Variants in GIT2 observed in about 807,000 individuals in gnomAD.
GIT2 encodes ARF GTPase-activating protein GIT2.
Under a neutral mutation model 100.3 loss-of-function variants are expected in GIT2, and 32 were observed. That is an observed-to-expected ratio of 0.32 (90% CI 0.24 to 0.43). GIT2 has a LOEUF of 0.43. Ranked by LOEUF, GIT2 falls within the 20% of genes least tolerant of loss-of-function variation. GIT2 has a pLI of 1.00. For synonymous variants in GIT2, 353 were observed against 364.1 expected, an observed-to-expected ratio of 0.97 and a Z score of 0.35; for missense variants, 737 against 975.1, an observed-to-expected ratio of 0.76 and a Z score of 3.25.
At chr12:109,989,379 C>T (rs1015250431) in intron 3 of GIT2, among the ~76,000 whole-genome samples, 3 of 152,160 alleles carry the variant, frequency 2.0e-5, no homozygotes, top group Non-Finnish European at 4.4e-5. Flanking sequence ...AACAGGCAGA[C>T]GGGTGCCCAG....
chr12:109,961,214 G>A, intron 11 of GIT2, 64 bp downstream of exon 11: 1 of 918,956 alleles, frequency 1.1e-6, no homozygotes, highest in Non-Finnish European at 1.8e-6. Flanking sequence ...GTTTTCCTGG[G>A]AAAAATGAAA....
At chr12:109,999,606 A>AGGGC, upstream of GIT2, 1 of 1,167,536 alleles carries the variant, frequency 8.6e-7, no homozygotes, top group Non-Finnish European at 1.2e-6. This position sits in a 1 kb window ranked among gnomAD's most constrained non-coding sequence, Gnocchi z 4.3. Context: ...CGCCGGCCTC[A>AGGGC]GGGCAGGCAG....
intron 12 of GIT2, among the ~76,000 whole-genome samples, chr12:109,957,616 C>T (rs1399571490): frequency 6.6e-6 from 1 of 151,398 alleles, no homozygotes; most frequent in African/African-American, 2.4e-5. Context: ...ACGCCATTCT[C>T]CTGCCTCAGC....
At chr12:109,965,434 T>C in intron 9 of GIT2, 92 bp downstream of exon 9, 7 of 720,476 alleles carry the variant, frequency 9.7e-6, no homozygotes, top group Non-Finnish European at 1.7e-5. Flanking sequence ...AATAAAGTCA[T>C]CAGACGCAAT....
chr12:109,994,719 G>C (rs530223062), intron 1 of GIT2, among the ~76,000 whole-genome samples: 1 of 152,250 alleles, frequency 6.6e-6, no homozygotes, highest in South Asian at 2.1e-4. Flanking sequence ...ACCCTATCAA[G>C]AAGCAAAACA....
intron 13 of GIT2, chr12:109,952,449 A>T (rs1878159440): frequency 5.8e-6 from 3 of 516,492 alleles, no homozygotes; most frequent in South Asian, 4.2e-5. Context: ...AGTCCTCCCC[A>T]GACATGGCAT....
Position 109,994,843 on chromosome 12 carries a change from G to A in GIT2, c.52+1330C>T, listed in dbSNP as rs1889049464. Among the ~76,000 whole-genome samples the A allele has an allele frequency of 2.0e-5, 3 of 152,174 alleles. No individual in the cohort carries two copies. The South Asian group carries it at 6.2e-4, about 32-fold the overall frequency. On this transcript the variant is annotated intron_variant, in intron 1 of 19. Coordinates refer to ENST00000355312, the MANE Select transcript of GIT2 (RefSeq NM_057169.5). ...GGAAGTGGAACAAATAACATTTTTA[G>A]AGAAAATGATGGAGTTTGTATAACT...
At chr12:109,980,775 T>C (rs1886162902) in intron 7 of GIT2, 177 bp downstream of exon 7, 5 of 604,374 alleles carry the variant, frequency 8.3e-6, no homozygotes, top group Middle Eastern at 4.4e-4. Flanking sequence ...TGTCCAACTT[T>C]ATATCTTTTA....
chr12:109,982,460 C>T (rs747506846), intron 6 of GIT2: 1 of 152,050 alleles, frequency 6.6e-6, no homozygotes, highest in Non-Finnish European at 1.5e-5. Flanking sequence ...TTGTTATTCA[C>T]CCATTTTATC....
intron 12 of GIT2, 61 bp from the exon 13 acceptor site, chr12:109,953,295 C>G: frequency 6.4e-7 from 1 of 1,559,332 alleles, no homozygotes; most frequent in African/African-American, 1.4e-5. Context: ...TTCCAAAAAA[C>G]TACGGAGAGG....
intron 12 of GIT2, among the ~76,000 whole-genome samples, chr12:109,959,031 A>G (rs2136364937): frequency 6.6e-6 from 1 of 151,338 alleles, no homozygotes; most frequent in Non-Finnish European, 1.5e-5. Context: ...GCAACAGCAG[A>G]TATTATGCAG....
At position 109,983,689 on chromosome 12, in the gene GIT2, G is replaced by C. The variant is rs751887292; in HGVS notation, c.411C>G (p.Leu137=). Residue 137 remains leucine, a synonymous_variant, in exon 5 of 20, where the codon CTC becomes CTG. Coordinates refer to ENST00000355312, the MANE Select transcript of GIT2 (RefSeq NM_057169.5). ...GATTCCCTGTTCTCACGCTCGAATG[G>C]AGTTGCTGAAAAACGCAGAAACAAA... ...SVTAKDLSKQ[L]HSSVRTGNLE... The C allele has an allele frequency of 6.2e-7, 1 of 1,610,646 alleles. No homozygotes were observed. The highest frequency in any genetic ancestry group is 8.5e-7 in the Non-Finnish European group (1 of 1,177,426).
chr12:109,955,420 C>T (rs1879157358), intron 12 of GIT2, among the ~76,000 whole-genome samples: 1 of 152,194 alleles, frequency 6.6e-6, no homozygotes, highest in African/African-American at 2.4e-5. Context: ...GCCACCGCAC[C>T]CAGCCTCTTG....
intron 12 of GIT2, among the ~76,000 whole-genome samples, chr12:109,954,933 A>T (rs764475597): frequency 4.0e-5 from 6 of 151,882 alleles, no homozygotes; most frequent in Non-Finnish European, 8.8e-5. Context: ...TAAAGGATAG[A>T]TCCTATTTTA....
Position 109,948,449 on chromosome 12 carries a change from C to A in GIT2, c.1393-945G>T, listed in dbSNP as rs1400653428. Reference sequence around the variant, plus strand: ...CCTTCCATTCCTCACATGCAGGCTGCTCCATGGTGCTGGATGGATTAGAGT... The same window carrying A: ...CCTTCCATTCCTCACATGCAGGCTGATCCATGGTGCTGGATGGATTAGAGT... On this transcript the variant is annotated intron_variant, in intron 14 of 19. Coordinates refer to ENST00000355312, the MANE Select transcript of GIT2 (RefSeq NM_057169.5). The surrounding 1 kb of genome is among the most constrained non-coding windows in gnomAD (Gnocchi z 4.3). The A allele has an allele frequency of 4.8e-6, 5 of 1,035,058 alleles. No individual in the cohort carries two copies. Among genetic ancestry groups the A allele is most frequent in the Non-Finnish European group, 5.8e-6 (5 of 862,460 alleles). 64.1% of individuals were successfully genotyped at this position (1,035,058 alleles called of 1,614,324 possible).
chr12:109,996,158 G>T lies in GIT2; in HGVS notation c.52+15C>A. On this transcript the variant is annotated intron_variant, in intron 1 of 19. Coordinates refer to ENST00000355312, the MANE Select transcript of GIT2 (RefSeq NM_057169.5). The stretch of plus-strand genomic sequence containing the variant: ...AGGAAAGCAGAGGGGAGCGGGCCCG[G>T]CCGGTGCGACTCACCCGGCCCGCTG... The T allele has an allele frequency of 6.7e-7, 1 of 1,499,674 alleles. No individual in the cohort carries two copies. The highest frequency in any genetic ancestry group is 2.1e-5 in the Admixed American group (1 of 48,064). 92.9% of individuals were successfully genotyped at this position (1,499,674 alleles called of 1,614,324 possible). A position where few individuals can be genotyped will look rare whatever the true frequency, so the allele number is the denominator to read the frequency against.
chr12:109,967,395 A>C, intron 8 of GIT2, 63 bp downstream of exon 8: 2 of 1,504,550 alleles, frequency 1.3e-6, no homozygotes, highest in East Asian at 4.5e-5. Context: ...ATATACTTAA[A>C]CATAATACAA....
intron 6 of GIT2, chr12:109,981,612 T>C (rs1235428030): frequency 6.6e-6 from 1 of 152,650 alleles, no homozygotes; most frequent in East Asian, 1.9e-4. Flanking sequence ...CGCCTGCAGC[T>C]ACTTCTGCCT....
intron 7 of GIT2, among the ~76,000 whole-genome samples, chr12:109,976,560 G>A (rs1020855442): frequency 6.8e-4 from 101 of 149,310 alleles, no homozygotes; most frequent in African/African-American, 2.2e-3. Context: ...CTGGGATTAC[G>A]GGCGTGAGCC....
Sources: gnomAD v4.1 joint callset for allele counts (sites outside exome capture counted in the v4.1 genomes callset) on GRCh38, gnomAD v4.1.1 for gene constraint, Gnocchi (gnomAD v3.1) non-coding constraint, MANE v1.5 for transcripts, NCBI Gene and HGNC (gene_info 2026-07-23, HGNC 2026-07-21) for gene names.